Variants in CTNND2 observed in about 807,000 individuals in gnomAD.
The protein encoded by CTNND2 is catenin delta 2, also known as catenin delta-2.
CTNND2 carries 22 observed loss-of-function variants against 144.4 expected under a neutral mutation model. The observed-to-expected ratio is 0.15, with a 90% CI of 0.11 to 0.22. CTNND2 has a LOEUF of 0.22. Among genes scored for constraint, CTNND2 ranks in the 10% least tolerant of loss-of-function variants. The pLI is 1.00. For synonymous variants in CTNND2, 751 were observed against 695.6 expected, an observed-to-expected ratio of 1.08 and a Z score of -1.25; for missense variants, 1,353 against 1,618.8, an observed-to-expected ratio of 0.84 and a Z score of 2.82.
At chr5:10,977,023 C>T (rs1736573563) in intron 21 of CTNND2, among the ~76,000 whole-genome samples, 1 of 152,232 alleles carries the variant, frequency 6.6e-6, no homozygotes, top group African/African-American at 2.4e-5. Context: ...CGATGGGCCC[C>T]AGCAATCTGT....
At chr5:11,067,634 GA>G (rs1747755806) in intron 16 of CTNND2, among the ~76,000 whole-genome samples, 1 of 152,222 alleles carries the variant, frequency 6.6e-6, no homozygotes, top group Admixed American at 6.5e-5. Context: ...GAGAAACTTA[GA>G]CACCTTGAGT....
intron 9 of CTNND2, among the ~76,000 whole-genome samples, chr5:11,238,699 GAT>G (rs992625471): frequency 2.0e-5 from 3 of 151,844 alleles, no homozygotes; most frequent in African/African-American, 7.3e-5. Context: ...TACACACACA[GAT>G]ATATATACAC....
chr5:11,088,253 C>T (rs926390521), intron 15 of CTNND2, among the ~76,000 whole-genome samples: 1 of 152,010 alleles, frequency 6.6e-6, no homozygotes, highest in Non-Finnish European at 1.5e-5. Flanking sequence ...CCTGTGTGTT[C>T]CTTAGTAACA....
intron 3 of CTNND2, among the ~76,000 whole-genome samples, chr5:11,560,784 G>A (rs1049823477): frequency 1.3e-5 from 2 of 152,174 alleles, no homozygotes; most frequent in African/African-American, 4.8e-5. Flanking sequence ...GGATATTCTA[G>A]GAAGAAAGCA....
At chr5:11,188,700 T>C (rs1735914251) in intron 11 of CTNND2, among the ~76,000 whole-genome samples, 1 of 152,126 alleles carries the variant, frequency 6.6e-6, no homozygotes, top group African/African-American at 2.4e-5. Flanking sequence ...TGGTCACTGG[T>C]AAGAGAGCCA....
chr5:11,267,316 T>C (rs1180672893), intron 9 of CTNND2, among the ~76,000 whole-genome samples: 2 of 152,248 alleles, frequency 1.3e-5, no homozygotes, highest in African/African-American at 2.4e-5. Flanking sequence ...GATTTGGCAA[T>C]TGGGCTACGT....
chr5:11,449,178 T>C (rs1765095175), intron 3 of CTNND2, among the ~76,000 whole-genome samples: 1 of 152,226 alleles, frequency 6.6e-6, no homozygotes, highest in Non-Finnish European at 1.5e-5. Flanking sequence ...TATAAATAAA[T>C]GTTTTTCATT....
intron 3 of CTNND2, among the ~76,000 whole-genome samples, chr5:11,526,595 T>C (rs938348989): frequency 6.6e-6 from 1 of 152,184 alleles, no homozygotes; most frequent in Admixed American, 6.5e-5. Flanking sequence ...GCCAGCCCTC[T>C]TCTAAACATG....
intron 2 of CTNND2, among the ~76,000 whole-genome samples, chr5:11,707,105 G>T (rs1195701338): frequency 2.0e-5 from 3 of 151,250 alleles, no homozygotes; most frequent in Non-Finnish European, 1.5e-5. Context: ...AAAAAAGAAA[G>T]TGAAAATTAG....
intron 21 of CTNND2, among the ~76,000 whole-genome samples, chr5:10,978,497 G>T (rs868523863): frequency 6.7e-5 from 9 of 133,910 alleles, no homozygotes; most frequent in Middle Eastern, 7.3e-3. Flanking sequence ...ATACTTTTTG[G>T]GGAGGGGGGG....
chr5:11,383,124 A>G (rs1350368264), intron 7 of CTNND2, among the ~76,000 whole-genome samples: 2 of 152,100 alleles, frequency 1.3e-5, no homozygotes, highest in African/African-American at 2.4e-5. Flanking sequence ...GTCTACACAA[A>G]TCACCCATGG....
At chr5:11,816,516 T>C (rs1413621038) in intron 1 of CTNND2, among the ~76,000 whole-genome samples, 1 of 149,652 alleles carries the variant, frequency 6.7e-6, no homozygotes, top group African/African-American at 2.5e-5. Context: ...GTGCCTGTGG[T>C]TGGCTGGTGT....
chr5:11,262,628 G>T (rs1258606870), intron 9 of CTNND2, among the ~76,000 whole-genome samples: 1 of 151,492 alleles, frequency 6.6e-6, no homozygotes, highest in African/African-American at 2.4e-5. Flanking sequence ...TGGGCGTGGT[G>T]GCGGGCACCT....
intron 12 of CTNND2, among the ~76,000 whole-genome samples, chr5:11,153,711 C>T (rs535925503): frequency 6.6e-6 from 1 of 151,442 alleles, no homozygotes; most frequent in South Asian, 2.1e-4. Context: ...CTTATGTACA[C>T]AAAGATAGAT....
At chr5:11,902,717 T>C (rs1738007119) in intron 1 of CTNND2, among the ~76,000 whole-genome samples, 1 of 151,998 alleles carries the variant, frequency 6.6e-6, no homozygotes, top group Admixed American at 6.6e-5. Flanking sequence ...ACAGTAAAAA[T>C]ACATCTTAAT....
chr5:11,308,551 C>T (rs1750488934), intron 9 of CTNND2, among the ~76,000 whole-genome samples: 1 of 152,198 alleles, frequency 6.6e-6, no homozygotes, highest in Non-Finnish European at 1.5e-5. Context: ...GGTTCACTTC[C>T]CCTAACGTTC....
intron 11 of CTNND2, among the ~76,000 whole-genome samples, chr5:11,197,939 A>G (rs1341735005): frequency 6.6e-6 from 1 of 152,194 alleles, no homozygotes; most frequent in Non-Finnish European, 1.5e-5. Flanking sequence ...CAAATCATAA[A>G]TGAATCCATA....
intron 2 of CTNND2, among the ~76,000 whole-genome samples, chr5:11,578,194 G>A (rs1421610467): frequency 1.3e-5 from 2 of 152,120 alleles, no homozygotes; most frequent in East Asian, 1.9e-4. Flanking sequence ...GGGGACTGAG[G>A]TTACCATAGG....
At chr5:11,506,260 T>G (rs1439515073) in intron 3 of CTNND2, among the ~76,000 whole-genome samples, 1 of 152,214 alleles carries the variant, frequency 6.6e-6, no homozygotes, top group Admixed American at 6.5e-5. Flanking sequence ...CTGTCTCCAG[T>G]ACTAGCAAAT....
Sources: allele counts gnomAD v4.1 joint callset (sites outside exome capture counted in the v4.1 genomes callset), GRCh38; gene constraint gnomAD v4.1.1; transcripts MANE v1.5; gene names NCBI Gene and HGNC (gene_info 2026-07-23, HGNC 2026-07-21).